MYO6: variants seen among roughly 807,000 people sequenced by gnomAD.
MYO6 encodes the protein unconventional myosin-VI.
MYO6 carries 74 observed loss-of-function variants against 178.7 expected under a neutral mutation model. The ratio of observed to expected loss-of-function variants is 0.41; its 90% CI spans 0.34 to 0.50. MYO6 has a LOEUF of 0.50. Ranked by LOEUF, MYO6 falls within the 20% of genes least tolerant of loss-of-function variation. The pLI, the probability that MYO6 is intolerant of heterozygous loss-of-function variation, is 0.09. For synonymous variants in MYO6, 477 were observed against 504.6 expected (o/e 0.95, Z 0.73); for missense variants, 1,330 against 1,547.4 (o/e 0.86, Z 2.36).
chr6:75,789,190 TATC>T (rs1397753354), intron 1 of MYO6, among the ~76,000 whole-genome samples: 3 of 152,172 alleles, frequency 2.0e-5, no homozygotes, highest in Non-Finnish European at 4.4e-5. Flanking sequence ...GAATCTAAAA[TATC>T]ATGAATTCTA....
intron 4 of MYO6, among the ~76,000 whole-genome samples, chr6:75,829,463 A>G (rs768807335): frequency 6.6e-6 from 1 of 152,080 alleles, no homozygotes; most frequent in African/African-American, 2.4e-5. Context: ...GTCTTAATCT[A>G]TTATATCACT....
intron 1 of MYO6, among the ~76,000 whole-genome samples, chr6:75,767,305 C>T (rs192311364): frequency 6.6e-6 from 1 of 151,944 alleles, no homozygotes; most frequent in Admixed American, 6.6e-5. Context: ...GGATTACAGC[C>T]GTGAGCCACT....
chr6:75,787,162 A>G (rs543871847), intron 1 of MYO6, among the ~76,000 whole-genome samples: 6 of 152,202 alleles, frequency 3.9e-5, no homozygotes, highest in Non-Finnish European at 8.8e-5. Context: ...AATTTTTTAC[A>G]CTTATACTAC....
chr6:75,831,270 C>T (rs995775360), intron 5 of MYO6, among the ~76,000 whole-genome samples: 20 of 152,168 alleles, frequency 1.3e-4, no homozygotes, highest in African/African-American at 2.4e-4. Context: ...GTTCGTAGTG[C>T]ATCCTGTTTC....
intron 1 of MYO6, among the ~76,000 whole-genome samples, chr6:75,753,948 C>T (rs1582961663): frequency 6.6e-6 from 1 of 151,962 alleles, no homozygotes. Flanking sequence ...GAGAAATGAC[C>T]ATAAGTCCAC....
Position 75,890,089 on chromosome 6 carries a change from A to G in MYO6, c.2691A>G (p.Lys897=), listed in dbSNP as rs1778782241. The change falls in exon 26 of 35, where the codon AAA becomes AAG. Residue 897 remains lysine (K), a synonymous_variant. Coordinates refer to ENST00000369977, the MANE Select transcript of MYO6 (RefSeq NM_004999.4). ...STMMTQEQIQ[K]EYDALVKSSE... ...TGATGACGCAGGAACAAATCCAGAA[A>G]GAATATGATGCACTGGTTAAAAGCT... The G allele has an allele frequency of 6.2e-7, 1 of 1,613,852 alleles. No individual in the cohort carries two copies. Among genetic ancestry groups the G allele is most frequent in the Admixed American group, 1.7e-5 (1 of 59,996 alleles).
chr6:75,894,751 TA>T, intron 28 of MYO6: 3 of 1,170,046 alleles, frequency 2.6e-6, no homozygotes, highest in Non-Finnish European at 2.4e-6. Flanking sequence ...TATGCTGTGT[TA>T]AAAAATGTAT....
At chr6:75,820,955 C>G (rs1421487215) in intron 2 of MYO6, among the ~76,000 whole-genome samples, 2 of 152,086 alleles carry the variant, frequency 1.3e-5, no homozygotes, top group Non-Finnish European at 2.9e-5. Context: ...GCTTGATGCT[C>G]TGTATTTGAC....
chr6:75,874,095 A>G (rs776174491), intron 20 of MYO6, among the ~76,000 whole-genome samples: 8 of 152,246 alleles, frequency 5.3e-5, no homozygotes, highest in South Asian at 4.1e-4. Context: ...TAGATTTACT[A>G]TGAAGCTAAG....
intron 19 of MYO6, among the ~76,000 whole-genome samples, chr6:75,872,067 T>A (rs916262686): frequency 5.9e-5 from 9 of 151,978 alleles, no homozygotes; most frequent in Non-Finnish European, 7.4e-5. Context: ...AGGCGGAGGT[T>A]GCAGTGAGCC....
At chr6:75,783,064 G>C (rs147139382) in intron 1 of MYO6, among the ~76,000 whole-genome samples, 1 of 151,848 alleles carries the variant, frequency 6.6e-6, no homozygotes, top group Non-Finnish European at 1.5e-5. Flanking sequence ...ACAGGCATGC[G>C]CCACCATGCC....
chr6:75,910,137 A>G (rs1780654678), intron 32 of MYO6, among the ~76,000 whole-genome samples: 1 of 152,134 alleles, frequency 6.6e-6, no homozygotes, highest in Non-Finnish European at 1.5e-5. Flanking sequence ...TCCTCTTCTA[A>G]TTGAACACAA....
chr6:75,787,728 C>CTATATATATATA (rs1562158611), intron 1 of MYO6, among the ~76,000 whole-genome samples: 1 of 16,384 alleles, frequency 6.1e-5, no homozygotes, highest in Non-Finnish European at 1.1e-4. Flanking sequence ...CTCTCTCTCT[C>CTATATATATATA]TCTATATATA....
At chr6:75,907,526 T>C (rs561935872) in intron 30 of MYO6, 79 bp from the exon 31 acceptor site, 5 of 1,124,586 alleles carry the variant, frequency 4.4e-6, no homozygotes, top group African/African-American at 3.1e-5. Flanking sequence ...TTCAAACTTA[T>C]GCATGCTTTC....
intron 1 of MYO6, among the ~76,000 whole-genome samples, chr6:75,762,896 T>G (rs1006872335): frequency 6.6e-6 from 1 of 152,238 alleles, no homozygotes; most frequent in Non-Finnish European, 1.5e-5. Flanking sequence ...ATTTAATTTT[T>G]TTTTTGTAGA....
intron 1 of MYO6, among the ~76,000 whole-genome samples, chr6:75,791,551 C>G (rs1358537737): frequency 1.3e-5 from 2 of 152,060 alleles, no homozygotes; most frequent in Admixed American, 1.3e-4. Context: ...AATGATAAAA[C>G]AAAGATTCTG....
chr6:75,914,338 T>C, intron 34 of MYO6, 57 bp downstream of exon 34: 1 of 1,478,958 alleles, frequency 6.8e-7, no homozygotes, highest in South Asian at 1.1e-5. Context: ...ATAAACTCTC[T>C]GAATGAAACA....
chr6:75,783,558 T>TC (rs1435646049), intron 1 of MYO6, among the ~76,000 whole-genome samples: 2 of 145,466 alleles, frequency 1.4e-5, no homozygotes, highest in East Asian at 4.0e-4. Flanking sequence ...GATATCTTCT[T>TC]TTTTTTTTTT....
intron 13 of MYO6, among the ~76,000 whole-genome samples, chr6:75,857,507 G>A (rs564298753): frequency 6.6e-6 from 1 of 152,076 alleles, no homozygotes; most frequent in Non-Finnish European, 1.5e-5. Flanking sequence ...CTAGAGTTAA[G>A]GATATCTCTA....
Sources: gnomAD v4.1 joint callset for allele counts (sites outside exome capture counted in the v4.1 genomes callset) on GRCh38, gnomAD v4.1.1 for gene constraint, MANE v1.5 for transcripts, NCBI Gene and HGNC (gene_info 2026-07-23, HGNC 2026-07-21) for gene names.